The following AK5 variants were observed in gnomAD, a reference collection of about 807,000 sequenced individuals.
AK5 encodes the protein adenylate kinase 5.
Under a neutral mutation model 69.5 loss-of-function variants are expected in AK5, and 27 were observed. The ratio of observed to expected loss-of-function variants is 0.39; its 90% CI spans 0.29 to 0.54. The LOEUF is 0.54. Ranked by LOEUF, AK5 falls within the 20% of genes least tolerant of loss-of-function variation. AK5 has a pLI of 0.71. For missense variants in AK5, 531 were observed against 700.4 expected, an observed-to-expected ratio of 0.76 and a Z score of 2.73; for synonymous variants, 260 against 244.4, an observed-to-expected ratio of 1.06 and a Z score of -0.60.
At chr1:77,425,232 A>C (rs1305632087) in intron 8 of AK5, among the ~76,000 whole-genome samples, 2 of 152,168 alleles carry the variant, frequency 1.3e-5, no homozygotes, top group African/African-American at 4.8e-5. Flanking sequence ...AAATTGGGGG[A>C]ATTTGTTGCC....
intron 10 of AK5, among the ~76,000 whole-genome samples, chr1:77,508,227 A>G (rs1657130681): frequency 1.3e-5 from 2 of 152,184 alleles, no homozygotes; most frequent in African/African-American, 2.4e-5. Flanking sequence ...CTGTCCCTCT[A>G]TTCATCCATC....
In AK5 at chr1:77,541,532, G is replaced by A. The variant is rs149036148; in HGVS notation, c.1620+5494G>A. The stretch of plus-strand genomic sequence containing the variant: ...TGCTGTGAATTTTAAAAACATGATT[G>A]TGATTGTAGGTAATACTGAGCCAGA... On this transcript the variant is annotated intron_variant, in intron 13 of 13. Transcript: ENST00000354567. 2.4e-3 allele frequency among the ~76,000 whole-genome samples: 365 copies of A among 152,330 alleles called. 2 individuals are homozygous for A. Among genetic ancestry groups the A allele is most frequent in the African/African-American group, 8.5e-3 (353 of 41,554 alleles).
At chr1:77,372,021 TTTTG>T (rs1299078608) in intron 6 of AK5, among the ~76,000 whole-genome samples, 2 of 152,216 alleles carry the variant, frequency 1.3e-5, no homozygotes, top group Non-Finnish European at 2.9e-5. Flanking sequence ...CTGCTTCTGA[TTTTG>T]TTTATCAATC....
chr1:77,448,197 G>A (rs1419357249), intron 8 of AK5, among the ~76,000 whole-genome samples: 1 of 152,178 alleles, frequency 6.6e-6, no homozygotes, highest in East Asian at 1.9e-4. Context: ...CACCAGGGAT[G>A]GCCTGAAGCA....
intron 5 of AK5, among the ~76,000 whole-genome samples, chr1:77,316,247 CT>C (rs1257979644): frequency 1.3e-5 from 2 of 152,102 alleles, no homozygotes; most frequent in Non-Finnish European, 2.9e-5. Flanking sequence ...AAACACAGCC[CT>C]TGTGAACTCC....
In AK5 at chr1:77,470,826, AATATATATATATATATATAT is replaced by A. The variant is rs71075744; in HGVS notation, c.1060-12460_1060-12441del. Among the ~76,000 whole-genome samples, 38 of 51,168 alleles carry A rather than the reference AATATATATATATATATATAT, an allele frequency of 7.4e-4. 2 individuals are homozygous for A. The highest frequency in any genetic ancestry group is 5.3e-3 in the East Asian group (8 of 1,510). The allele number at this position is 51,168 out of a possible 152,430, so 33.6% of individuals were successfully genotyped here. A position where few individuals can be genotyped will look rare whatever the true frequency, so the allele number is the denominator to read the frequency against. On this transcript the variant is annotated intron_variant, in intron 8 of 13. Coordinates refer to ENST00000354567, the MANE Select transcript of AK5 (RefSeq NM_174858.3). ...TTTCTCATTTTAATGGCACATTTAG[AATATATATATATATATATAT>A]ATATATATATATATATATATATATA...
At chr1:77,487,639 C>T (rs900734694) in intron 10 of AK5, among the ~76,000 whole-genome samples, 1 of 152,194 alleles carries the variant, frequency 6.6e-6, no homozygotes, top group African/African-American at 2.4e-5. Flanking sequence ...GTAAAGTTCT[C>T]TCATTGTTAG....
chr1:77,333,547 C>A (rs1415431928), intron 5 of AK5, among the ~76,000 whole-genome samples: 2 of 146,290 alleles, frequency 1.4e-5, no homozygotes, highest in Non-Finnish European at 3.0e-5. Context: ...TTAAATCTCC[C>A]CCCCACCATG....
intron 2 of AK5, among the ~76,000 whole-genome samples, chr1:77,288,550 T>G (rs1490446856): frequency 6.6e-6 from 1 of 152,000 alleles, no homozygotes; most frequent in Non-Finnish European, 1.5e-5. Flanking sequence ...AAAGCCATAG[T>G]GTGCTAATTT....
In AK5 at chr1:77,559,390, A is replaced by ATT. The variant is rs1660316448; in HGVS notation, c.*721_*722dup. On this transcript the variant is annotated 3_prime_UTR_variant, in exon 14 of 14. Transcript: ENST00000354567. ...ATGGCTAAGAGAACAAATCTGATAA[A>ATT]TTGTGTAACCTAGTCTCTTCTCTAC... 6.6e-6 allele frequency: 1 copy of ATT among 152,206 alleles called. No individual in the cohort carries two copies. The highest frequency in any genetic ancestry group is 2.1e-4 in the South Asian group (1 of 4,828). 9.4% of individuals were successfully genotyped at this position (152,206 alleles called of 1,614,324 possible). A position where few individuals can be genotyped will look rare whatever the true frequency, so the allele number is the denominator to read the frequency against.
intron 8 of AK5, among the ~76,000 whole-genome samples, chr1:77,435,646 A>AG (rs929330212): frequency 1.4e-5 from 2 of 147,308 alleles, no homozygotes; most frequent in African/African-American, 4.9e-5. Context: ...CTCTGTCTCA[A>AG]AAAAAAAAAA....
intron 8 of AK5, among the ~76,000 whole-genome samples, chr1:77,466,280 C>CA (rs1419494880): frequency 6.6e-6 from 1 of 152,198 alleles, no homozygotes; most frequent in Non-Finnish European, 1.5e-5. Context: ...TTGCCCAACT[C>CA]AGAGTCCACT....
intron 6 of AK5, among the ~76,000 whole-genome samples, chr1:77,402,892 G>A (rs1407874959): frequency 3.4e-4 from 52 of 152,238 alleles, no homozygotes; most frequent in African/African-American, 1.2e-3. Context: ...CAATGGTTGA[G>A]CTAGTTTACA....
intron 8 of AK5, among the ~76,000 whole-genome samples, chr1:77,444,156 TCTCTCTCA>T (rs1323861356): frequency 5.0e-5 from 7 of 139,812 alleles, no homozygotes; most frequent in African/African-American, 2.0e-4. Context: ...TTATTCTCTC[TCTCTCTCA>T]CTCTCTCTCT....
At chr1:77,318,942 G>C (rs1250246052) in intron 5 of AK5, among the ~76,000 whole-genome samples, 1 of 152,112 alleles carries the variant, frequency 6.6e-6, no homozygotes, top group Non-Finnish European at 1.5e-5. Context: ...CAAATAGGCT[G>C]AACAGAAGAG....
At chr1:77,501,994 G>A (rs1656747346) in intron 10 of AK5, among the ~76,000 whole-genome samples, 1 of 152,164 alleles carries the variant, frequency 6.6e-6, no homozygotes, top group South Asian at 2.1e-4. Flanking sequence ...GAACATCACT[G>A]ACAGATAACT....
At chr1:77,380,341 C>G (rs912484416) in intron 6 of AK5, among the ~76,000 whole-genome samples, 8 of 152,100 alleles carry the variant, frequency 5.3e-5, no homozygotes, top group Admixed American at 1.3e-4. Context: ...TCAAAATACC[C>G]TCATTTTTGA....
chr1:77,300,914 C>T (rs930682082), intron 5 of AK5, among the ~76,000 whole-genome samples: 3 of 152,182 alleles, frequency 2.0e-5, no homozygotes, highest in African/African-American at 4.8e-5. Context: ...TACTGCATCT[C>T]CTCAAGGTTT....
chr1:77,373,896 G>A lies in AK5; in HGVS notation c.891+33328G>A, dbSNP rs145838047. 2.3e-3 allele frequency among the ~76,000 whole-genome samples: 355 copies of A among 152,012 alleles called. 1 individual carries two copies. Among genetic ancestry groups the A allele is most frequent in the East Asian group, 4.8e-3 (25 of 5,180 alleles). On this transcript the variant is annotated intron_variant, in intron 6 of 13. Transcript: ENST00000354567. ...TATTCTTCATTTTTTAAATTATTGC[G>A]AAATCTTAAGCATTACACTGTAATA...
Sources: gnomAD v4.1 joint callset for allele counts (sites outside exome capture counted in the v4.1 genomes callset) on GRCh38, gnomAD v4.1.1 for gene constraint, MANE v1.5 for transcripts, NCBI Gene and HGNC (gene_info 2026-07-23, HGNC 2026-07-21) for gene names.